The following PCBP4 variants were observed in gnomAD, a reference collection of about 807,000 sequenced individuals.
PCBP4 encodes poly(rC) binding protein 4, also known as poly(rC)-binding protein 4.
In PCBP4, 24 loss-of-function variants were observed where a neutral mutation model predicts 46.2. That is an observed-to-expected ratio of 0.52 (90% confidence interval 0.38 to 0.73). The LOEUF (loss-of-function observed/expected upper bound fraction) is 0.73. Ranked by LOEUF, PCBP4 falls within the 30% of genes least tolerant of loss-of-function variation. PCBP4 has a pLI of 0.00. For synonymous variants in PCBP4, 203 were observed against 224.4 expected, an observed-to-expected ratio of 0.90 and a Z score of 0.85; for missense variants, 407 against 537.0, an observed-to-expected ratio of 0.76 and a Z score of 2.39.
At chr3:51,963,628 AG>A (rs957341058) in intron 1 of PCBP4, among the ~76,000 whole-genome samples, 18 of 152,138 alleles carry the variant, frequency 1.2e-4, no homozygotes, top group African/African-American at 4.3e-4. Context: ...CCAGAACTAG[AG>A]CTTCTGCCAT....
At chr3:51,961,725 G>T in intron 2 of PCBP4, 2 of 991,736 alleles carry the variant, frequency 2.0e-6, no homozygotes, top group South Asian at 4.6e-5. Flanking sequence ...GGCCCTGAAG[G>T]TGGAGTTCAG....
rs754254920 is a variant in PCBP4, at chr3:51,960,484, T to A, written c.255+42A>T. 26 of 1,564,660 alleles carry A rather than the reference T, an allele frequency of 1.7e-5. No individual in the cohort carries two copies. In the East Asian group the frequency reaches 4.3e-4, roughly 26 times the overall value. ...TCTGGAGTCAGAGTTGGGTTCCTCC[T>A]GGGGAACCACTCTTGGCGTCCTGCC... On this transcript the variant is annotated intron_variant, in intron 6 of 13. Transcript: ENST00000461554. This position sits in a 1 kb window ranked among gnomAD's most constrained non-coding sequence, Gnocchi z 5.0.
At chr3:51,961,848 C>T in intron 2 of PCBP4, 93 bp downstream of exon 2, 1 of 715,412 alleles carries the variant, frequency 1.4e-6, no homozygotes, top group East Asian at 1.3e-4. Context: ...GCCTTGAAGG[C>T]AGGGAGGCCT....
chr3:51,964,018 C>A (rs1700299996), intron 1 of PCBP4, among the ~76,000 whole-genome samples: 1 of 152,180 alleles, frequency 6.6e-6, no homozygotes, highest in African/African-American at 2.4e-5. Context: ...GCCACAGTGA[C>A]CTCCAGCTCA....
At chr3:51,963,152 G>A (rs1406749176) in intron 1 of PCBP4, 1 of 152,290 alleles carries the variant, frequency 6.6e-6, no homozygotes, top group East Asian at 1.9e-4. Context: ...AACATACTGA[G>A]CTCAGCTGGA....
chr3:51,966,518 T>G (rs1329419988), intron 1 of PCBP4, among the ~76,000 whole-genome samples: 1 of 151,900 alleles, frequency 6.6e-6, no homozygotes, highest in Non-Finnish European at 1.5e-5. Context: ...GTTCATGGAT[T>G]GTAAGAGCCT....
chr3:51,961,520 T>TC, intron 2 of PCBP4: 1 of 582,254 alleles, frequency 1.7e-6, no homozygotes, highest in Non-Finnish European at 2.9e-6. Context: ...CCTCAGCTTC[T>TC]CCATCTGTAG....
At chr3:51,963,903 A>C (rs1269070051) in intron 1 of PCBP4, among the ~76,000 whole-genome samples, 2 of 152,206 alleles carry the variant, frequency 1.3e-5, no homozygotes, top group African/African-American at 4.8e-5. Context: ...ATGAGGCATC[A>C]CTGGCTCCCC....
rs78982507 is a variant in PCBP4 at position 51,966,951 on chromosome 3, C to A, written c.-213+375G>T. Among the ~76,000 whole-genome samples the A allele has an allele frequency of 1.9e-3, 292 of 152,206 alleles. 1 individual carries two copies. Among genetic ancestry groups the A allele is most frequent in the African/African-American group, 6.2e-3 (258 of 41,522 alleles). On this transcript the variant is annotated intron_variant, in intron 1 of 13. Coordinates refer to ENST00000461554, the MANE Select transcript of PCBP4 (RefSeq NM_001174100.2). The stretch of plus-strand genomic sequence containing the variant: ...CTGTATCTGGCTCCCCCAACGACTG[C>A]GGAGGATGGGAAGGAGTGTGTGCCC...
chr3:51,959,444 C>A lies in PCBP4; in HGVS notation c.592-33G>T. The A allele has an allele frequency of 6.3e-7, 1 of 1,585,480 alleles. No homozygotes were observed. ...GACAAAGTGGATGAAAAGGGGGTTA[C>A]TGTGACATTGCAGTTCAGCCAGAGT... On this transcript the variant is annotated intron_variant, in intron 9 of 13. Transcript: ENST00000461554. This position sits in a 1 kb window ranked among gnomAD's most constrained non-coding sequence, Gnocchi z 5.6.
Position 51,958,705 on chromosome 3 carries a change from G to T in PCBP4, c.923+85C>A. The T allele has an allele frequency of 6.8e-7, 1 of 1,464,564 alleles. No individual in the cohort carries two copies. The highest frequency in any genetic ancestry group is 9.3e-7 in the Non-Finnish European group (1 of 1,080,064). The allele number at this position is 1,464,564 out of a possible 1,614,324, so 90.7% of individuals were successfully genotyped here. ...GGTCGGGCCCAGACAGAGAGAGGAG[G>T]CCAGCTTCCTCTCCCCACCCCTGCC... On this transcript the variant is annotated intron_variant, in intron 13 of 13. Coordinates refer to ENST00000461554, the MANE Select transcript of PCBP4 (RefSeq NM_001174100.2). The surrounding 1 kb of genome is among the most constrained non-coding windows in gnomAD (Gnocchi z 5.4).
chr3:51,966,139 G>A (rs960425751), intron 1 of PCBP4, among the ~76,000 whole-genome samples: 43 of 152,252 alleles, frequency 2.8e-4, no homozygotes, highest in Non-Finnish European at 1.6e-4. Flanking sequence ...CAATGGTGAT[G>A]GAGGCTGGAG....
At chr3:51,961,844 A>C in intron 2 of PCBP4, 97 bp downstream of exon 2, 1 of 794,918 alleles carries the variant, frequency 1.3e-6, no homozygotes, top group Non-Finnish European at 1.5e-6. Flanking sequence ...GGAAGCCTTG[A>C]AGGCAGGGAG....
At position 51,958,005 on chromosome 3, in the gene PCBP4, C is replaced by G. The variant is rs1317777683; in HGVS notation, c.*56G>C. On this transcript the variant is annotated 3_prime_UTR_variant, in exon 14 of 14. Transcript: ENST00000461554. This position sits in a 1 kb window ranked among gnomAD's most constrained non-coding sequence, Gnocchi z 5.4. ...GGAGTCTCCTTGGGCGGGTAGGGTG[C>G]AGAGGCAGCCCCCTGCTGGTGGTCC... 2.0e-5 allele frequency: 29 copies of G among 1,483,254 alleles called. No individual in the cohort carries two copies. The highest frequency in any genetic ancestry group is 2.5e-5 in the Non-Finnish European group (28 of 1,110,624). 91.9% of individuals were successfully genotyped at this position (1,483,254 alleles called of 1,614,324 possible).
At chr3:51,962,150 A>G (rs935644775) in intron 1 of PCBP4, 62 bp from the exon 2 acceptor site, 9 of 152,102 alleles carry the variant, frequency 5.9e-5, no homozygotes, top group Non-Finnish European at 1.2e-4. Context: ...AACACTTTCT[A>G]CTGTACCAGA....
In PCBP4 at chr3:51,960,416, ACACTGCCCTGGG is replaced by A; in HGVS notation, c.255+98_256-97del. On this transcript the variant is annotated intron_variant, in intron 6 of 13. Coordinates refer to ENST00000461554, the MANE Select transcript of PCBP4 (RefSeq NM_001174100.2). This position sits in a 1 kb window ranked among gnomAD's most constrained non-coding sequence, Gnocchi z 5.0. ...CTTTCCCCAGTCCCACTTCAAGGGA[ACACTGCCCTGGG>A]CTTGACCTCCCCTCCCACCCATAGC... The A allele has an allele frequency of 1.3e-6, 2 of 1,572,942 alleles. No individual in the cohort carries two copies. Among genetic ancestry groups the A allele is most frequent in the Non-Finnish European group, 1.7e-6 (2 of 1,149,542 alleles).
rs781330910 is a variant in PCBP4 at position 51,958,762 on chromosome 3, C to T, written c.923+28G>A. The T allele has an allele frequency of 1.3e-6, 2 of 1,597,570 alleles. No individual in the cohort carries two copies. Among genetic ancestry groups the T allele is most frequent in the African/African-American group, 2.7e-5 (2 of 74,734 alleles). ...GGGCACATGAGAACCGTGACCTGCT[C>T]CCCCACTGCCGCCCAGCCCGCGCTC... On this transcript the variant is annotated intron_variant, in intron 13 of 13. Coordinates refer to ENST00000461554, the MANE Select transcript of PCBP4 (RefSeq NM_001174100.2). The surrounding 1 kb of genome is among the most constrained non-coding windows in gnomAD (Gnocchi z 5.4).
rs370297005 is a variant in PCBP4, at chr3:51,960,502, G to A, written c.255+24C>T. On this transcript the variant is annotated intron_variant, in intron 6 of 13. Coordinates refer to ENST00000461554, the MANE Select transcript of PCBP4 (RefSeq NM_001174100.2). The surrounding 1 kb of genome is among the most constrained non-coding windows in gnomAD (Gnocchi z 5.0). ...TTCCTCCTGGGGAACCACTCTTGGCGTCCTGCCCTGGCCAGCCACGGACCT... is the reference window on the plus strand; with the variant it reads ...TTCCTCCTGGGGAACCACTCTTGGCATCCTGCCCTGGCCAGCCACGGACCT... 38 of 1,590,946 alleles carry A rather than the reference G, an allele frequency of 2.4e-5. 1 individual carries two copies. The highest frequency in any genetic ancestry group is 1.4e-4 in the South Asian group (13 of 90,602).
At position 51,964,532 on chromosome 3, in the gene PCBP4, A is replaced by AC. The variant is rs530112404; in HGVS notation, c.-212-2445dup. On this transcript the variant is annotated intron_variant, in intron 1 of 13. Coordinates refer to ENST00000461554, the MANE Select transcript of PCBP4 (RefSeq NM_001174100.2). ...TCACATCCCCCCACATCCTCTCAGC[A>AC]CCCCCAGCTCCCCACCTAGCAGCCC... 1.8e-3 allele frequency among the ~76,000 whole-genome samples: 274 copies of AC among 150,630 alleles called. 1 individual carries two copies. Among genetic ancestry groups the AC allele is most frequent in the African/African-American group, 5.7e-3 (235 of 40,930 alleles).
Sources: gnomAD v4.1 joint callset for allele counts (sites outside exome capture counted in the v4.1 genomes callset) on GRCh38, gnomAD v4.1.1 for gene constraint, Gnocchi (gnomAD v3.1) non-coding constraint, MANE v1.5 for transcripts, NCBI Gene and HGNC (gene_info 2026-07-23, HGNC 2026-07-21) for gene names.